The following MGRN1 variants were observed in gnomAD, a reference collection of about 807,000 sequenced individuals.
MGRN1 encodes E3 ubiquitin-protein ligase MGRN1.
MGRN1 carries 29 observed loss-of-function variants against 69.2 expected under a neutral mutation model. The ratio of observed to expected loss-of-function variants is 0.42; its 90% CI spans 0.31 to 0.57. The LOEUF is 0.57. Ranked by LOEUF, MGRN1 falls within the 20% of genes least tolerant of loss-of-function variation. The pLI is 0.15. For synonymous variants in MGRN1, 470 were observed against 344.2 expected (o/e 1.37, Z -4.04); for missense variants, 998 against 796.2 (o/e 1.25, Z -3.05).
At position 4,678,390 on chromosome 16, in the gene MGRN1, CAG is replaced by C. The variant is rs140796992; in HGVS notation, c.1065+819_1065+820del. 2.0e-5 allele frequency among the ~76,000 whole-genome samples: 3 copies of C among 152,076 alleles called. No individual in the cohort carries two copies. In the East Asian group the frequency reaches 5.8e-4, roughly 29 times the overall value. On this transcript the variant is annotated intron_variant, in intron 11 of 16. Transcript: ENST00000262370. ...AGGGCGAGAGAGAGGTGGAGAGACA[CAG>C]GGAGAGGCAGAGACAAATGTGGAGA...
chr16:4,638,525 GGTA>G (rs1205138467), intron 1 of MGRN1, among the ~76,000 whole-genome samples: 2 of 152,188 alleles, frequency 1.3e-5, no homozygotes, highest in East Asian at 3.8e-4. Flanking sequence ...GTGGGGGACT[GGTA>G]GTAGGCAGGG....
intron 14 of MGRN1, 32 bp downstream of exon 14, chr16:4,682,978 CGCCCGGGCCA>C: frequency 2.0e-6 from 3 of 1,512,222 alleles, no homozygotes; most frequent in African/African-American, 2.8e-5. Flanking sequence ...TTTGCGCACC[CGCCCGGGCCA>C]GCCCTCCTCC....
Position 4,642,933 on chromosome 16 carries a change from C to G in MGRN1, c.89-7432C>G, listed in dbSNP as rs149515912. 5.1e-3 allele frequency among the ~76,000 whole-genome samples: 767 copies of G among 151,744 alleles called. 4 individuals carry two copies. Among genetic ancestry groups the G allele is most frequent in the Non-Finnish European group, 8.8e-3 (599 of 67,962 alleles). ...TCCCGAGTACCTTGGACTGCAAGTA[C>G]GCATCACCGTGCTAGCTAATTTTTT... On this transcript the variant is annotated intron_variant, in intron 1 of 16. Coordinates refer to ENST00000262370, the MANE Select transcript of MGRN1 (RefSeq NM_015246.4).
chr16:4,635,630 C>G (rs547794190), intron 1 of MGRN1, among the ~76,000 whole-genome samples: 43 of 151,188 alleles, frequency 2.8e-4, no homozygotes, highest in African/African-American at 1.0e-3. Flanking sequence ...CCACACCCAG[C>G]TAACTTTTTT....
At chr16:4,625,712 C>T (rs774970715) in intron 1 of MGRN1, among the ~76,000 whole-genome samples, 5 of 152,204 alleles carry the variant, frequency 3.3e-5, no homozygotes, top group African/African-American at 4.8e-5. Flanking sequence ...TAGTTGGGAC[C>T]GGGACCAGCT....
intron 1 of MGRN1, among the ~76,000 whole-genome samples, chr16:4,641,309 T>A (rs2078151313): frequency 6.6e-6 from 1 of 152,144 alleles, no homozygotes; most frequent in Admixed American, 6.5e-5. Flanking sequence ...GTGTTTCTTC[T>A]CCATGTGTGG....
chr16:4,652,899 C>A (rs2078441273), intron 4 of MGRN1, 75 bp downstream of exon 4: 2 of 1,464,618 alleles, frequency 1.4e-6, no homozygotes, highest in East Asian at 5.0e-5. Flanking sequence ...GTCCACCTTA[C>A]TAACCAGAGG....
At chr16:4,671,193 C>T (rs2078929260) in intron 8 of MGRN1, 198 bp from the exon 9 acceptor site, 1 of 603,738 alleles carries the variant, frequency 1.7e-6, no homozygotes, top group Non-Finnish European at 2.9e-6. Context: ...CGGCTCCAGC[C>T]CTGTTCCAGG....
chr16:4,630,415 T>A (rs571402423), intron 1 of MGRN1, among the ~76,000 whole-genome samples: 2 of 151,464 alleles, frequency 1.3e-5, no homozygotes, highest in East Asian at 3.9e-4. Flanking sequence ...TCACAAAGAT[T>A]TTCTCCTATT....
chr16:4,681,879 G>A (rs771559249), intron 13 of MGRN1, 103 bp downstream of exon 13: 1 of 1,206,186 alleles, frequency 8.3e-7, no homozygotes. Flanking sequence ...GTTCTGTGTG[G>A]CGATTCCCCA....
chr16:4,678,937 G>T (rs1157527939), intron 11 of MGRN1, among the ~76,000 whole-genome samples: 1 of 152,236 alleles, frequency 6.6e-6, no homozygotes, highest in African/African-American at 2.4e-5. Context: ...CTGAAATGGG[G>T]TCAATGTTTA....
chr16:4,684,719 A>AG (rs1211048245), intron 16 of MGRN1, among the ~76,000 whole-genome samples: 11 of 152,194 alleles, frequency 7.2e-5, no homozygotes, highest in Admixed American at 7.2e-4. Flanking sequence ...AAAGACCGGG[A>AG]GGGAATGGGG....
At chr16:4,664,038 C>T (rs915305945) in intron 5 of MGRN1, 1 of 152,662 alleles carries the variant, frequency 6.6e-6, no homozygotes, top group African/African-American at 2.4e-5. Flanking sequence ...GGCACGCACC[C>T]GGGAGAACTG....
At chr16:4,630,438 TTTG>T (rs143122519) in intron 1 of MGRN1, among the ~76,000 whole-genome samples, 16 of 151,372 alleles carry the variant, frequency 1.1e-4, no homozygotes, top group East Asian at 5.8e-4. Flanking sequence ...TTTCTAGCAT[TTTG>T]TTGTTGTTGT....
At chr16:4,686,501 G>C in intron 16 of MGRN1, 1 of 1,386,022 alleles carries the variant, frequency 7.2e-7, no homozygotes, top group South Asian at 1.8e-5. Context: ...GCCTCCTGGG[G>C]GGTCCTGACT....
chr16:4,684,002 C>CT, intron 16 of MGRN1, 70 bp downstream of exon 16: 1 of 1,362,078 alleles, frequency 7.3e-7, no homozygotes. Flanking sequence ...GGGCCCTGCT[C>CT]TGATGGTCGG....
intron 16 of MGRN1, chr16:4,686,501 G>A: frequency 7.2e-7 from 1 of 1,386,022 alleles, no homozygotes; most frequent in Non-Finnish European, 9.3e-7. Flanking sequence ...GCCTCCTGGG[G>A]GGTCCTGACT....
chr16:4,641,445 C>G (rs2078154564), intron 1 of MGRN1, among the ~76,000 whole-genome samples: 1 of 151,902 alleles, frequency 6.6e-6, no homozygotes, highest in African/African-American at 2.4e-5. Flanking sequence ...AATTGCTGGG[C>G]TCGCATGGTC....
At chr16:4,668,389 A>C in intron 8 of MGRN1, 77 bp downstream of exon 8, 1 of 1,444,952 alleles carries the variant, frequency 6.9e-7, no homozygotes, top group African/African-American at 1.4e-5. Flanking sequence ...ATACTCATAC[A>C]TAGACACACA....
Sources: allele counts gnomAD v4.1 joint callset (sites outside exome capture counted in the v4.1 genomes callset), GRCh38; gene constraint gnomAD v4.1.1; transcripts MANE v1.5; gene names NCBI Gene and HGNC (gene_info 2026-07-23, HGNC 2026-07-21).